SLC26A8: variants seen among roughly 807,000 people sequenced by gnomAD.
SLC26A8 encodes testis anion transporter 1.
In SLC26A8, 70 loss-of-function variants were observed where a neutral mutation model predicts 105.0. That is an observed-to-expected ratio of 0.67 (90% CI 0.55 to 0.81). SLC26A8 has a LOEUF of 0.81. Ranked by LOEUF, SLC26A8 falls within the 40% of genes least tolerant of loss-of-function variation. The pLI, the probability that SLC26A8 is intolerant of heterozygous loss-of-function variation, is 0.00. For synonymous variants in SLC26A8, 415 were observed against 438.3 expected (o/e 0.95, Z 0.66); for missense variants, 998 against 1,181.8 (o/e 0.84, Z 2.28).
intron 9 of SLC26A8, among the ~76,000 whole-genome samples, chr6:35,976,154 G>A (rs543983809): frequency 2.4e-4 from 37 of 151,810 alleles, no homozygotes; most frequent in Middle Eastern, 3.4e-3. Flanking sequence ...GGCTGGGTGC[G>A]GTGGCTCACA....
chr6:35,967,294 C>G (rs1206308595), intron 11 of SLC26A8, among the ~76,000 whole-genome samples: 6 of 152,160 alleles, frequency 3.9e-5, no homozygotes, highest in Non-Finnish European at 2.9e-5. Context: ...CATTTACAAC[C>G]ACCCCAGCTT....
chr6:35,989,743 A>G (rs1422051823), intron 7 of SLC26A8: 1 of 152,146 alleles, frequency 6.6e-6, no homozygotes, highest in Non-Finnish European at 1.5e-5. Context: ...TGTATAAACT[A>G]GGACTACAAG....
At position 36,002,682 on chromosome 6, in the gene SLC26A8, A is replaced by G. The variant is rs184303703; in HGVS notation, c.329-2574T>C. On this transcript the variant is annotated intron_variant, in intron 3 of 19. Coordinates refer to ENST00000490799, the MANE Select transcript of SLC26A8 (RefSeq NM_052961.4). ...CTTTGTTGCGTATTGTTTTGCAAGT[A>G]TCTCCCATTTTGTGATTTGCTTTTC... Among the ~76,000 whole-genome samples, 7 of 149,610 alleles carry G rather than the reference A, an allele frequency of 4.7e-5. No homozygotes were observed. In the East Asian group the frequency reaches 1.4e-3, roughly 29 times the overall value.
intron 3 of SLC26A8, among the ~76,000 whole-genome samples, chr6:36,002,571 T>G (rs1761553934): frequency 6.6e-6 from 1 of 152,214 alleles, no homozygotes; most frequent in South Asian, 2.1e-4. Flanking sequence ...TTCAATTTCA[T>G]TTTCCATTTT....
Position 35,962,589 on chromosome 6 carries a change from G to A in SLC26A8, c.1398C>T (p.Val466=), listed in dbSNP as rs760283572. 1 of 1,614,180 alleles carries A rather than the reference G, an allele frequency of 6.2e-7. No homozygotes were observed. The highest frequency in any genetic ancestry group is 1.1e-5 in the South Asian group (1 of 91,090). ...TAGAAATGGTTTCAAGGTAGGGAAT[G>A]ACGTTGCTCAGAATAATACCAGCCA... The part of the protein sequence containing the change: ...AVLAGIILSN[V]IPYLETISNL... Residue 466 remains valine (V), a synonymous_variant, in exon 12 of 20, where the codon GTC becomes GTT. Transcript: ENST00000490799.
intron 12 of SLC26A8, 122 bp downstream of exon 12, chr6:35,962,404 C>G (rs1772343099): frequency 1.3e-6 from 1 of 773,270 alleles, no homozygotes; most frequent in South Asian, 1.7e-5. Context: ...AACTGGAGTA[C>G]TAGGCATCAA....
intron 7 of SLC26A8, among the ~76,000 whole-genome samples, chr6:35,983,530 A>G (rs1040489732): frequency 6.6e-6 from 1 of 151,836 alleles, no homozygotes; most frequent in African/African-American, 2.4e-5. Context: ...ATTTTCCTAA[A>G]TATTGAGTCT....
In SLC26A8 at chr6:36,024,591, C is replaced by A. The variant is rs936575702; in HGVS notation, c.-90G>T. 2 of 370,118 alleles carry A rather than the reference C, an allele frequency of 5.4e-6. No individual in the cohort carries two copies. Among genetic ancestry groups the A allele is most frequent in the Admixed American group, 3.6e-5 (1 of 28,134 alleles). 22.9% of individuals were successfully genotyped at this position (370,118 alleles called of 1,614,324 possible). A position where few individuals can be genotyped will look rare whatever the true frequency, so the allele number is the denominator to read the frequency against. On this transcript the variant is annotated 5_prime_UTR_variant, in exon 1 of 20. Transcript: ENST00000490799. Reference sequence around the variant, plus strand: ...GCGGCGCTGCGGACGCGGATACCGGCGGCGGTTCCCGAGCCGTTGTGGCCT... The same window carrying A: ...GCGGCGCTGCGGACGCGGATACCGGAGGCGGTTCCCGAGCCGTTGTGGCCT...
At chr6:35,951,058 T>C (rs1461592557) in intron 19 of SLC26A8, 105 bp downstream of exon 19, 3 of 1,130,030 alleles carry the variant, frequency 2.7e-6, no homozygotes, top group African/African-American at 1.5e-5. Context: ...ATTATTCCTC[T>C]ATCTGATCAG....
chr6:35,950,838 A>G (rs1771842861), intron 19 of SLC26A8, among the ~76,000 whole-genome samples: 1 of 152,156 alleles, frequency 6.6e-6, no homozygotes, highest in African/African-American at 2.4e-5. Context: ...GGTAATAGAC[A>G]CTAACCAAGA....
chr6:36,020,613 T>C (rs1762105974), intron 1 of SLC26A8, among the ~76,000 whole-genome samples: 1 of 152,018 alleles, frequency 6.6e-6, no homozygotes. Flanking sequence ...AGCGAGACCC[T>C]GTCTCTAAAA....
chr6:36,001,456 A>G (rs1761521641), intron 3 of SLC26A8, among the ~76,000 whole-genome samples: 1 of 152,138 alleles, frequency 6.6e-6, no homozygotes, highest in South Asian at 2.1e-4. Context: ...CCCTTGTACA[A>G]TTTCCTCCCC....
intron 10 of SLC26A8, among the ~76,000 whole-genome samples, chr6:35,970,171 C>T (rs539416112): frequency 3.3e-5 from 5 of 152,260 alleles, no homozygotes; most frequent in Non-Finnish European, 5.9e-5. Flanking sequence ...GGGGGTCTCT[C>T]GATTCTAATC....
At chr6:35,987,069 T>C (rs1773550756) in intron 7 of SLC26A8, among the ~76,000 whole-genome samples, 3 of 152,308 alleles carry the variant, frequency 2.0e-5, no homozygotes, top group African/African-American at 2.4e-5. Flanking sequence ...CTTTATGAAT[T>C]AATAGCTTTT....
At position 35,997,692 on chromosome 6, in the gene SLC26A8, C is replaced by T. The variant is rs142656883; in HGVS notation, c.627+46G>A. 76 of 1,581,198 alleles carry T rather than the reference C, an allele frequency of 4.8e-5. No individual in the cohort carries two copies. The East Asian group carries it at 6.7e-4, about 14-fold the overall frequency. On this transcript the variant is annotated intron_variant, in intron 5 of 19. Transcript: ENST00000490799. The stretch of plus-strand genomic sequence containing the variant: ...TATAAGGAAGGGGTCTGTTTATAGC[C>T]CCTTTATTCAGTTCCTTTTCAGGGA...
At chr6:35,962,498 C>T in intron 12 of SLC26A8, 28 bp downstream of exon 12, 3 of 1,583,588 alleles carry the variant, frequency 1.9e-6, no homozygotes, top group Non-Finnish European at 2.6e-6. Flanking sequence ...CTGCCCTCCC[C>T]TTCCTCAGCC....
intron 3 of SLC26A8, among the ~76,000 whole-genome samples, chr6:36,005,179 T>A (rs1418084490): frequency 6.6e-6 from 1 of 152,210 alleles, no homozygotes; most frequent in Non-Finnish European, 1.5e-5. Context: ...AATTTTAAAC[T>A]AATTTTAGAA....
At chr6:36,023,755 A>G (rs1762186826) in intron 1 of SLC26A8, among the ~76,000 whole-genome samples, 1 of 152,152 alleles carries the variant, frequency 6.6e-6, no homozygotes, top group Non-Finnish European at 1.5e-5. Context: ...TTGTAATTCC[A>G]TCAGAAACAA....
intron 2 of SLC26A8, among the ~76,000 whole-genome samples, chr6:36,016,034 A>G (rs1327869543): frequency 6.6e-6 from 1 of 151,588 alleles, no homozygotes; most frequent in East Asian, 1.9e-4. Context: ...TCATTCTGTC[A>G]CCAGGCTGGA....
Sources: allele counts gnomAD v4.1 joint callset (sites outside exome capture counted in the v4.1 genomes callset), GRCh38; gene constraint gnomAD v4.1.1; transcripts MANE v1.5; gene names NCBI Gene and HGNC (gene_info 2026-07-23, HGNC 2026-07-21).